The following DMD variants were observed in gnomAD, a reference collection of about 807,000 sequenced individuals.
DMD encodes the protein dystrophin.
DMD carries 63 observed loss-of-function variants against 330.1 expected under a neutral mutation model. The ratio of observed to expected loss-of-function variants is 0.19; its 90% CI spans 0.16 to 0.24. The LOEUF (loss-of-function observed/expected upper bound fraction) is 0.24. DMD is among the 10% of genes least tolerant of loss of function. DMD has a pLI of 1.00. For synonymous variants in DMD, 1,223 were observed against 959.8 expected (o/e 1.27, Z -5.07); for missense variants, 3,344 against 2,684.1 (o/e 1.25, Z -5.43).
chrX:32,727,029 C>A (rs1208347113), intron 7 of DMD, among the ~76,000 whole-genome samples: 1 of 110,448 alleles, frequency 9.1e-6, no homozygotes, highest in Non-Finnish European at 1.9e-5. Flanking sequence ...AGTCATGGTT[C>A]CTCTAGGTTG....
At chrX:32,526,164 T>A (rs2046915319) in intron 17 of DMD, among the ~76,000 whole-genome samples, 1 of 111,901 alleles carries the variant, frequency 8.9e-6, no homozygotes, top group Non-Finnish European at 1.9e-5. Context: ...TTAAATGCAG[T>A]CTAACTTTAC....
intron 63 of DMD, among the ~76,000 whole-genome samples, chrX:31,223,656 C>A (rs1323426873): frequency 9.0e-6 from 1 of 111,724 alleles, no homozygotes; most frequent in East Asian, 2.8e-4. Flanking sequence ...AAAATAGGCA[C>A]AACTGGCTGG....
chrX:32,053,638 T>C (rs759976518), intron 44 of DMD, among the ~76,000 whole-genome samples: 2 of 111,046 alleles, frequency 1.8e-5, no homozygotes, highest in Non-Finnish European at 3.8e-5. Flanking sequence ...TTGACTTTTG[T>C]CACTATGCCT....
At chrX:32,685,134 A>G (rs921837637) in intron 9 of DMD, among the ~76,000 whole-genome samples, 12 of 110,667 alleles carry the variant, frequency 1.1e-4, no homozygotes, top group African/African-American at 4.0e-4. Context: ...AATTAATGGT[A>G]ATACTACAGT....
intron 43 of DMD, among the ~76,000 whole-genome samples, chrX:32,232,412 AG>A (rs1364733063): frequency 9.0e-6 from 1 of 111,341 alleles, no homozygotes; most frequent in Non-Finnish European, 1.9e-5. Flanking sequence ...AAACATTAAG[AG>A]GATTTCACCC....
intron 55 of DMD, among the ~76,000 whole-genome samples, chrX:31,518,365 T>A: frequency 9.2e-6 from 1 of 109,041 alleles, no homozygotes; most frequent in Non-Finnish European, 1.9e-5. Context: ...TTTCTGATAT[T>A]GCTATACAGC....
intron 44 of DMD, among the ~76,000 whole-genome samples, chrX:31,985,772 A>T (rs916569387): frequency 8.9e-6 from 1 of 112,356 alleles, no homozygotes; most frequent in Non-Finnish European, 1.9e-5. Flanking sequence ...GGGACAAAAG[A>T]AAATCACGGG....
chrX:33,235,920 T>A lies in DMD; in HGVS notation c.7+103339A>T, dbSNP rs866446650. Among the ~76,000 whole-genome samples, 613 of 103,853 alleles carry A rather than the reference T, an allele frequency of 5.9e-3. 1 individual carries two copies. The highest frequency in any genetic ancestry group is 0.01 in the African/African-American group (283 of 27,991). 90.2% of individuals were successfully genotyped at this position (103,853 alleles called of 115,157 possible). ...TATATTATTATTATTATTATTATTT[T>A]TTTTTTTTTTTATGAGACGGAATCT... On this transcript the variant is annotated intron_variant, in intron 1 of 17. Coordinates refer to the DMD transcript ENST00000288447.
intron 55 of DMD, among the ~76,000 whole-genome samples, chrX:31,521,858 T>C (rs897243232): frequency 1.8e-5 from 2 of 112,050 alleles, no homozygotes; most frequent in African/African-American, 3.2e-5. Context: ...GTCAGAGTTC[T>C]CTTCCTTTTA....
intron 48 of DMD, among the ~76,000 whole-genome samples, chrX:31,874,201 C>CA (rs1316503887): frequency 8.1e-5 from 9 of 110,558 alleles, no homozygotes; most frequent in Non-Finnish European, 1.3e-4. Context: ...TTCATTATAT[C>CA]AAAATAAACT....
Position 31,177,986 on chromosome X carries a change from T to C in DMD, c.10224-16A>G. 2 of 1,199,543 alleles carry C rather than the reference T, an allele frequency of 1.7e-6. No homozygotes were observed. The highest frequency in any genetic ancestry group is 1.1e-6 in the Non-Finnish European group (1 of 886,679). The stretch of plus-strand genomic sequence containing the variant: ...AGTAACGGGACTGCAAAACAAAAAA[T>C]GAGGTGGTGAAGGAGACACACGCAA... On this transcript the variant is annotated splice_polypyrimidine_tract_variant and intron_variant, in intron 70 of 78. Coordinates refer to ENST00000357033, the MANE Select transcript of DMD (RefSeq NM_004006.3).
At chrX:32,100,196 T>C (rs1054497756) in intron 44 of DMD, among the ~76,000 whole-genome samples, 1 of 110,534 alleles carries the variant, frequency 9.0e-6, no homozygotes, top group Non-Finnish European at 1.9e-5. Flanking sequence ...AAGAAACTGC[T>C]ATTAAAGATA....
At chrX:31,405,730 G>GT (rs1392114364) in intron 60 of DMD, among the ~76,000 whole-genome samples, 2 of 111,699 alleles carry the variant, frequency 1.8e-5, no homozygotes, top group Non-Finnish European at 3.8e-5. Context: ...ACTTATGGAT[G>GT]TAAGTGCCCT....
In DMD at chrX:32,485,056, C is replaced by T. The variant is rs779579811; in HGVS notation, c.2666G>A (p.Arg889Gln). 5 of 1,211,322 alleles carry T rather than the reference C, an allele frequency of 4.1e-6. No individual in the cohort carries two copies. The highest frequency in any genetic ancestry group is 2.3e-4 in the Middle Eastern group (1 of 4,354). ...CAGGGCTATGCTTTGAATTTTTAAT[C>T]GTTCAATTTGAGGTTGAAGATCTGA... ...RLSDLQPQIE[R>Q]LKIQSIALKE... Residue 889 changes from arginine to glutamine, a missense_variant, in exon 21 of 79, where the codon CGA (arginine) becomes CAA (glutamine). By Grantham distance (43) the Arg-to-Gln change is conservative (BLOSUM62 1). Coordinates refer to ENST00000357033, the MANE Select transcript of DMD (RefSeq NM_004006.3).
intron 1 of DMD, among the ~76,000 whole-genome samples, chrX:33,134,178 C>G (rs774542854): frequency 2.4e-4 from 27 of 111,743 alleles, no homozygotes; most frequent in Admixed American, 2.3e-3. Flanking sequence ...CAGCCTCCTT[C>G]ATCAAACAGA....
At chrX:32,982,226 C>T (rs182630843) in intron 2 of DMD, among the ~76,000 whole-genome samples, 1 of 111,508 alleles carries the variant, frequency 9.0e-6, no homozygotes, top group African/African-American at 3.3e-5. Flanking sequence ...TGGTTTCTCA[C>T]ACCTCATTAT....
intron 1 of DMD, among the ~76,000 whole-genome samples, chrX:33,287,542 A>G (rs1381060141): frequency 3.6e-5 from 4 of 111,742 alleles, no homozygotes; most frequent in Non-Finnish European, 7.5e-5. Flanking sequence ...TACACTATTG[A>G]ACAATGAAAA....
chrX:32,098,411 C>A (rs1244740074), intron 44 of DMD, among the ~76,000 whole-genome samples: 1 of 111,709 alleles, frequency 9.0e-6, no homozygotes, highest in East Asian at 2.8e-4. Flanking sequence ...ATTAAAATTT[C>A]TAGTTTTACA....
At chrX:31,852,723 T>C (rs948975667) in intron 48 of DMD, among the ~76,000 whole-genome samples, 1 of 111,543 alleles carries the variant, frequency 9.0e-6, no homozygotes, top group Non-Finnish European at 1.9e-5. Flanking sequence ...AAACATCACA[T>C]TGTACCTCAT....
Sources: allele counts gnomAD v4.1 joint callset (sites outside exome capture counted in the v4.1 genomes callset), GRCh38; gene constraint gnomAD v4.1.1; transcripts MANE v1.5; gene names NCBI Gene and HGNC (gene_info 2026-07-23, HGNC 2026-07-21).